The following KCNN3 variants were observed in gnomAD, a reference collection of about 807,000 sequenced individuals.
The protein encoded by KCNN3 is potassium calcium-activated channel subfamily N member 3.
KCNN3 carries 16 observed loss-of-function variants against 62.9 expected under a neutral mutation model. The ratio of observed to expected loss-of-function variants is 0.25; its 90% CI spans 0.17 to 0.39. The LOEUF (loss-of-function observed/expected upper bound fraction) is 0.39. Among genes scored for constraint, KCNN3 ranks in the 10% least tolerant of loss-of-function variants. KCNN3 has a pLI of 1.00. For missense variants in KCNN3, 599 were observed against 949.4 expected, an observed-to-expected ratio of 0.63 and a Z score of 4.85; for synonymous variants, 370 against 389.2, an observed-to-expected ratio of 0.95 and a Z score of 0.58.
chr1:154,795,790 C>T (rs949623675), intron 2 of KCNN3, among the ~76,000 whole-genome samples: 1 of 152,078 alleles, frequency 6.6e-6, no homozygotes, highest in East Asian at 1.9e-4. Context: ...GGCCCAGAGA[C>T]GTGGACCTGT....
At chr1:154,844,139 C>G (rs1651947771) in intron 1 of KCNN3, among the ~76,000 whole-genome samples, 1 of 152,226 alleles carries the variant, frequency 6.6e-6, no homozygotes, top group Non-Finnish European at 1.5e-5. Context: ...GACGCCCTCA[C>G]CCTCACTCCT....
intron 2 of KCNN3, among the ~76,000 whole-genome samples, chr1:154,813,964 A>G (rs547739431): frequency 1.3e-5 from 2 of 152,360 alleles, no homozygotes; most frequent in South Asian, 4.1e-4. Flanking sequence ...AATAAAACCA[A>G]AATGTCACAC....
intron 3 of KCNN3, among the ~76,000 whole-genome samples, chr1:154,740,221 A>C (rs1700799540): frequency 6.6e-6 from 1 of 152,170 alleles, no homozygotes. Flanking sequence ...GGACAGTGGG[A>C]TAGCTTACGG....
chr1:154,867,326 G>A (rs1171113659), intron 1 of KCNN3, among the ~76,000 whole-genome samples: 2 of 152,220 alleles, frequency 1.3e-5, no homozygotes, highest in African/African-American at 4.8e-5. Context: ...GCTTCCAAGG[G>A]AAACCCCACT....
rs941757678 is a variant in KCNN3 at position 154,706,317 on chromosome 1, G to A, written c.*1659C>T. ...AATGGTGATGATGTCTTCTTACAAA[G>A]GTAAACCCAAGATGACAACCACAAG... On this transcript the variant is annotated 3_prime_UTR_variant, in exon 8 of 8. Coordinates refer to ENST00000271915, the MANE Select transcript of KCNN3 (RefSeq NM_002249.6). 1.3e-5 allele frequency: 2 copies of A among 152,114 alleles called. No homozygotes were observed. The highest frequency in any genetic ancestry group is 2.9e-5 in the Non-Finnish European group (2 of 68,016). 9.4% of individuals were successfully genotyped at this position (152,114 alleles called of 1,614,324 possible). A position where few individuals can be genotyped will look rare whatever the true frequency, so the allele number is the denominator to read the frequency against.
chr1:154,722,370 T>C (rs1280715041), intron 5 of KCNN3, among the ~76,000 whole-genome samples: 1 of 148,816 alleles, frequency 6.7e-6, no homozygotes, highest in Admixed American at 6.8e-5. Context: ...ATGTTATGAA[T>C]AGACTGAGCT....
rs760256358 is a variant in KCNN3, at chr1:154,807,468, C to T, written c.1029+14621G>A. ...GCTTTGGGTGATGTCACTGCTGCTG[C>T]GGGTGACAGCCAGGCCCTGGGGATA... On this transcript the variant is annotated intron_variant, in intron 2 of 7. Coordinates refer to ENST00000271915, the MANE Select transcript of KCNN3 (RefSeq NM_002249.6). Among the ~76,000 whole-genome samples, 23 of 152,298 alleles carry T rather than the reference C, an allele frequency of 1.5e-4. 1 individual carries two copies. The highest frequency in any genetic ancestry group is 2.4e-4 in the African/African-American group (10 of 41,572).
chr1:154,737,206 T>TG (rs35539682), intron 3 of KCNN3: 7,724 of 177,568 alleles, frequency 0.043, 225 homozygotes, highest in East Asian at 0.11. Flanking sequence ...ATAGAAAATT[T>TG]GGGGGGGGGG....
chr1:154,786,159 G>A (rs1224979186), intron 2 of KCNN3, among the ~76,000 whole-genome samples: 2 of 152,140 alleles, frequency 1.3e-5, no homozygotes, highest in Admixed American at 6.5e-5. Context: ...CTTGGTCACT[G>A]TCCTCCACAG....
intron 2 of KCNN3, among the ~76,000 whole-genome samples, chr1:154,814,853 G>A (rs776896391): frequency 2.0e-5 from 3 of 152,198 alleles, no homozygotes; most frequent in South Asian, 2.1e-4. Context: ...GCAGGAGGCC[G>A]AGGCCCAAAG....
chr1:154,852,227 C>T (rs561657891), intron 1 of KCNN3, among the ~76,000 whole-genome samples: 15 of 148,818 alleles, frequency 1.0e-4, no homozygotes, highest in Non-Finnish European at 1.6e-4. Context: ...TTTTCTCGGA[C>T]GGGGAGTCAG....
chr1:154,813,208 CTTTTTTTT>C (rs57970335), intron 2 of KCNN3, among the ~76,000 whole-genome samples: 2 of 88,328 alleles, frequency 2.3e-5, no homozygotes, highest in African/African-American at 3.1e-5. Flanking sequence ...TGTTAGGCTG[CTTTTTTTT>C]TTTTTTTTTT....
intron 1 of KCNN3, among the ~76,000 whole-genome samples, chr1:154,838,326 G>T (rs997328318): frequency 1.3e-5 from 2 of 152,082 alleles, no homozygotes; most frequent in East Asian, 3.9e-4. Context: ...GGCTCCTTCT[G>T]CTATACCATG....
intron 3 of KCNN3, among the ~76,000 whole-genome samples, chr1:154,753,478 T>C (rs1330258180): frequency 6.6e-6 from 1 of 152,228 alleles, no homozygotes; most frequent in African/African-American, 2.4e-5. Flanking sequence ...TTGCGTCTTA[T>C]GTTCTTTCTC....
intron 1 of KCNN3, among the ~76,000 whole-genome samples, chr1:154,824,469 T>C (rs958576817): frequency 1.3e-5 from 2 of 152,194 alleles, no homozygotes; most frequent in Non-Finnish European, 2.9e-5. Context: ...AAGACCCAGA[T>C]GGGGCTGAAA....
At chr1:154,825,599 C>T (rs1400463777) in intron 1 of KCNN3, among the ~76,000 whole-genome samples, 1 of 151,348 alleles carries the variant, frequency 6.6e-6, no homozygotes, top group Non-Finnish European at 1.5e-5. Context: ...ATCTCCTGGC[C>T]TCAAGTGATC....
intron 2 of KCNN3, among the ~76,000 whole-genome samples, chr1:154,802,803 C>A (rs1557983768): frequency 6.6e-6 from 1 of 152,224 alleles, no homozygotes; most frequent in Non-Finnish European, 1.5e-5. Context: ...GTGCATGGAG[C>A]CCCATCCAAG....
chr1:154,700,529 CACTT>C lies in KCNN3; in HGVS notation c.*7443_*7446del, dbSNP rs1426275848. On this transcript the variant is annotated 3_prime_UTR_variant, in exon 8 of 8. Coordinates refer to ENST00000271915, the MANE Select transcript of KCNN3 (RefSeq NM_002249.6). ...AGAAGGAAAAACCAAAAGAAAAAAG[CACTT>C]ACTGGGCCAGGCACAGTGGCTCACT... The C allele has an allele frequency of 6.6e-6, 1 of 152,236 alleles. No homozygotes were observed. The highest frequency in any genetic ancestry group is 1.5e-5 in the Non-Finnish European group (1 of 68,104). 9.4% of individuals were successfully genotyped at this position (152,236 alleles called of 1,614,324 possible).
Position 154,869,128 on chromosome 1 carries a change from C to T in KCNN3, c.837G>A (p.Lys279=). ...KLGHRRALFE[K]RKRLSDYALI... ...GAGCATAGTCACTCAGTCGCTTTCT[C>T]TTTTCAAACAGGGCCCTCCTGTGTC... Residue 279 remains lysine (K), a synonymous_variant, in exon 1 of 8, where the codon AAG becomes AAA. Transcript: ENST00000271915. This position sits in a 1 kb window ranked among gnomAD's most constrained non-coding sequence, Gnocchi z 6.1. 1 of 1,614,206 alleles carries T rather than the reference C, an allele frequency of 6.2e-7. No individual in the cohort carries two copies. The highest frequency in any genetic ancestry group is 8.5e-7 in the Non-Finnish European group (1 of 1,180,036).
Sources: gnomAD v4.1 joint callset for allele counts (sites outside exome capture counted in the v4.1 genomes callset) on GRCh38, gnomAD v4.1.1 for gene constraint, Gnocchi (gnomAD v3.1) non-coding constraint, MANE v1.5 for transcripts, NCBI Gene and HGNC (gene_info 2026-07-23, HGNC 2026-07-21) for gene names.